Variants in LRRC75A observed in about 807,000 individuals in gnomAD.
LRRC75A encodes the protein leucine-rich repeat-containing protein 75A.
Under a neutral mutation model 26.0 loss-of-function variants are expected in LRRC75A, and 12 were observed. The observed-to-expected ratio is 0.46, with a 90% confidence interval of 0.30 to 0.75. The LOEUF (loss-of-function observed/expected upper bound fraction) is 0.75, where lower values mean the gene tolerates loss of function less well. Among genes scored for constraint, LRRC75A ranks in the 30% least tolerant of loss-of-function variants. The pLI, the probability that LRRC75A is intolerant of heterozygous loss-of-function variation, is 0.08. For synonymous variants in LRRC75A, 223 were observed against 219.3 expected (o/e 1.02, Z -0.15); for missense variants, 410 against 486.6 (o/e 0.84, Z 1.48).
chr17:16,485,010 G>C (rs1240779957), intron 1 of LRRC75A, among the ~76,000 whole-genome samples: 1 of 151,872 alleles, frequency 6.6e-6, no homozygotes, highest in Non-Finnish European at 1.5e-5. Context: ...GAGCCACGTG[G>C]GCACTGCTCA....
intron 1 of LRRC75A, among the ~76,000 whole-genome samples, chr17:16,466,967 T>C (rs142017967): frequency 1.4e-3 from 207 of 152,262 alleles, no homozygotes; most frequent in African/African-American, 4.7e-3. Flanking sequence ...ATTTTCTTCA[T>C]AGATGTCAAT....
intron 1 of LRRC75A, among the ~76,000 whole-genome samples, chr17:16,480,334 G>C (rs1389775192): frequency 6.6e-6 from 1 of 152,150 alleles, no homozygotes; most frequent in Non-Finnish European, 1.5e-5. Context: ...GTGCCAAAAA[G>C]ATTGGAGACC....
At chr17:16,458,178 T>C (rs1017183387) in intron 2 of LRRC75A, among the ~76,000 whole-genome samples, 3 of 152,048 alleles carry the variant, frequency 2.0e-5, no homozygotes, top group African/African-American at 7.2e-5. Context: ...TGGTGGCAGG[T>C]GCCTGTAATC....
intron 1 of LRRC75A, among the ~76,000 whole-genome samples, chr17:16,468,596 A>T (rs932432230): frequency 6.6e-6 from 1 of 152,246 alleles, no homozygotes; most frequent in East Asian, 1.9e-4. Context: ...ATGAGGACAC[A>T]GTGTCCGTTT....
intron 1 of LRRC75A, among the ~76,000 whole-genome samples, chr17:16,487,398 C>G (rs775166607): frequency 1.1e-4 from 17 of 152,212 alleles, no homozygotes; most frequent in South Asian, 2.1e-4. Flanking sequence ...GTCTCCACAT[C>G]TCCAGGGAGT....
chr17:16,474,674 A>C (rs2093815349), intron 1 of LRRC75A, among the ~76,000 whole-genome samples: 1 of 152,008 alleles, frequency 6.6e-6, no homozygotes. Context: ...TCTGCAGTAC[A>C]TTCTGCCCAA....
At position 16,461,854 on chromosome 17, in the gene LRRC75A, C is replaced by G. The variant is rs546383781; in HGVS notation, c.375+404G>C. ...AACTTTCCCCTGCCTCCCCCTACCC[C>G]ACTACCCCTCTGTACGCATGCTTTC... On this transcript the variant is annotated intron_variant, in intron 2 of 3. Coordinates refer to ENST00000470794, the MANE Select transcript of LRRC75A (RefSeq NM_001113567.3). Among the ~76,000 whole-genome samples, 98 of 152,242 alleles carry G rather than the reference C, an allele frequency of 6.4e-4. 3 individuals are homozygous for G. The South Asian group carries it at 0.02, about 31-fold the overall frequency.
At chr17:16,451,408 G>A (rs1197879018) in intron 2 of LRRC75A, among the ~76,000 whole-genome samples, 1 of 152,034 alleles carries the variant, frequency 6.6e-6, no homozygotes, top group Non-Finnish European at 1.5e-5. Context: ...ATCACCTGAG[G>A]TCAGGAGTTC....
In LRRC75A at chr17:16,485,681, T is replaced by TGTGTGTGTGTGTGTGTGTTC. The variant is rs748088509; in HGVS notation, c.246+6063_246+6064insGAACACACACACACACACAC. Among the ~76,000 whole-genome samples, 635 of 135,272 alleles carry TGTGTGTGTGTGTGTGTGTTC rather than the reference T, an allele frequency of 4.7e-3. 7 individuals carry two copies. Among genetic ancestry groups the TGTGTGTGTGTGTGTGTGTTC allele is most frequent in the Middle Eastern group, 8.1e-3 (2 of 246 alleles). 88.7% of individuals were successfully genotyped at this position (135,272 alleles called of 152,430 possible). On this transcript the variant is annotated intron_variant, in intron 1 of 3. Transcript: ENST00000470794. The stretch of plus-strand genomic sequence containing the variant: ...GTGTGTGTGTGTGTTCGTGTGTGTG[T>TGTGTGTGTGTGTGTGTGTTC]GTGTGTGTGTGTATGCGTGGGCGCG...
rs569596120 is a variant in LRRC75A at position 16,456,607 on chromosome 17, C to T, written c.375+5651G>A. Among the ~76,000 whole-genome samples, 6 of 152,058 alleles carry T rather than the reference C, an allele frequency of 3.9e-5. 1 individual carries two copies. Among genetic ancestry groups the T allele is most frequent in the African/African-American group, 7.2e-5 (3 of 41,404 alleles). On this transcript the variant is annotated intron_variant, in intron 2 of 3. Coordinates refer to ENST00000470794, the MANE Select transcript of LRRC75A (RefSeq NM_001113567.3). ...ATAGCTAGCCACATTCCCTACCATG[C>T]GGCAGGGGGAAGAGCAGTCTGTGCA...
At position 16,442,778 on chromosome 17, in the gene LRRC75A, C is replaced by T. The variant is rs117414304; in HGVS notation, c.*810G>A. 6.6e-6 allele frequency: 1 copy of T among 152,334 alleles called. No homozygotes were observed. Among genetic ancestry groups the T allele is most frequent in the East Asian group, 1.9e-4 (1 of 5,188 alleles). The allele number at this position is 152,334 out of a possible 1,614,324, so 9.4% of individuals were successfully genotyped here. A position where few individuals can be genotyped will look rare whatever the true frequency, so the allele number is the denominator to read the frequency against. On this transcript the variant is annotated 3_prime_UTR_variant, in exon 4 of 4. Transcript: ENST00000470794. The stretch of plus-strand genomic sequence containing the variant: ...TACTGGCAAGTGACAAGAAGGAAGC[C>T]AGGTTTGTCACTTACCCTGCATGCT...
intron 1 of LRRC75A, among the ~76,000 whole-genome samples, chr17:16,477,144 C>T (rs1414693872): frequency 1.3e-5 from 2 of 152,124 alleles, no homozygotes; most frequent in African/African-American, 4.8e-5. Flanking sequence ...CTGGGCTTCC[C>T]GAAGTTCTGG....
At chr17:16,452,365 AAAC>A (rs1393694804) in intron 2 of LRRC75A, among the ~76,000 whole-genome samples, 3 of 150,940 alleles carry the variant, frequency 2.0e-5, no homozygotes, top group South Asian at 2.1e-4. Flanking sequence ...AAACCAAACC[AAAC>A]AACAACAAAA....
intron 1 of LRRC75A, among the ~76,000 whole-genome samples, chr17:16,479,721 G>A (rs905147410): frequency 3.3e-5 from 5 of 152,202 alleles, no homozygotes; most frequent in Non-Finnish European, 5.9e-5. Context: ...TGGAGGCAGC[G>A]AGCTCATGAA....
intron 1 of LRRC75A, among the ~76,000 whole-genome samples, chr17:16,478,172 C>T (rs1344866644): frequency 6.6e-6 from 1 of 151,350 alleles, no homozygotes; most frequent in African/African-American, 2.4e-5. Context: ...ACCTCTTGCC[C>T]ATTTTCTTCT....
intron 1 of LRRC75A, among the ~76,000 whole-genome samples, chr17:16,484,367 CA>C (rs11445297): frequency 1.4e-4 from 21 of 151,134 alleles, no homozygotes; most frequent in Admixed American, 7.9e-4. Flanking sequence ...AAACAAAAAA[CA>C]AAAAAAAATC....
At chr17:16,460,048 G>A (rs1279307633) in intron 2 of LRRC75A, among the ~76,000 whole-genome samples, 1 of 152,174 alleles carries the variant, frequency 6.6e-6, no homozygotes, top group Admixed American at 6.5e-5. Context: ...GGTATTTAGA[G>A]GTGGGGCCTT....
chr17:16,485,833 C>G (rs2093846027), intron 1 of LRRC75A, among the ~76,000 whole-genome samples: 2 of 152,106 alleles, frequency 1.3e-5, no homozygotes, highest in Admixed American at 6.5e-5. Context: ...CCTCTGCATC[C>G]TGATGGAGGA....
chr17:16,461,470 G>A (rs564047271), intron 2 of LRRC75A, among the ~76,000 whole-genome samples: 24 of 152,252 alleles, frequency 1.6e-4, no homozygotes, highest in African/African-American at 2.4e-4. Context: ...CCGCCAGGTC[G>A]GGCTGCATAG....
Sources: allele counts gnomAD v4.1 joint callset (sites outside exome capture counted in the v4.1 genomes callset), GRCh38; gene constraint gnomAD v4.1.1; transcripts MANE v1.5; gene names NCBI Gene and HGNC (gene_info 2026-07-23, HGNC 2026-07-21).